AGBL1: variants seen among roughly 807,000 people sequenced by gnomAD.
The protein encoded by AGBL1 is AGBL carboxypeptidase 1, also known as cytosolic carboxypeptidase 4.
Under a neutral mutation model 118.9 loss-of-function variants are expected in AGBL1, and 130 were observed. The ratio of observed to expected loss-of-function variants is 1.09; its 90% CI spans 0.95 to 1.26. AGBL1 has a LOEUF of 1.26. AGBL1 is among the 50% of genes most tolerant of loss of function. The pLI, the probability that AGBL1 is intolerant of heterozygous loss-of-function variation, is 0.00. For missense variants in AGBL1, 1,584 were observed against 1,298.1 expected (o/e 1.22, Z -3.38); for synonymous variants, 555 against 478.9 (o/e 1.16, Z -2.08).
intron 22 of AGBL1, among the ~76,000 whole-genome samples, chr15:86,871,465 C>T (rs957227079): frequency 2.0e-5 from 3 of 151,952 alleles, no homozygotes; most frequent in East Asian, 1.9e-4. Flanking sequence ...ACACAGAATC[C>T]CCTTCCCTCA....
At chr15:86,653,074 A>G (rs1378578551) in intron 21 of AGBL1, among the ~76,000 whole-genome samples, 1 of 152,152 alleles carries the variant, frequency 6.6e-6, no homozygotes, top group Admixed American at 6.6e-5. Flanking sequence ...TATTCATTTT[A>G]TTTTCACGAA....
intron 22 of AGBL1, among the ~76,000 whole-genome samples, chr15:86,803,822 G>A (rs944717161): frequency 6.6e-6 from 1 of 152,126 alleles, no homozygotes; most frequent in Non-Finnish European, 1.5e-5. Context: ...TCACAACTTG[G>A]GGCAGGGGTG....
chr15:86,857,254 A>G (rs1247044400), intron 22 of AGBL1, among the ~76,000 whole-genome samples: 2 of 152,204 alleles, frequency 1.3e-5, no homozygotes, highest in East Asian at 3.9e-4. Context: ...TGTCAACCAC[A>G]GTGAACTTAA....
intron 21 of AGBL1, among the ~76,000 whole-genome samples, chr15:86,640,417 C>G (rs1187029070): frequency 6.6e-6 from 1 of 152,102 alleles, no homozygotes; most frequent in Non-Finnish European, 1.5e-5. Flanking sequence ...TAATATTTTA[C>G]CACATTTCTG....
intron 21 of AGBL1, among the ~76,000 whole-genome samples, chr15:86,640,652 C>T (rs1443099624): frequency 6.6e-6 from 1 of 152,098 alleles, no homozygotes; most frequent in East Asian, 1.9e-4. Flanking sequence ...ATCTAAGATT[C>T]TGTCTCTTTC....
intron 15 of AGBL1, among the ~76,000 whole-genome samples, chr15:86,277,399 C>T (rs143196713): frequency 6.6e-6 from 1 of 151,936 alleles, no homozygotes; most frequent in Non-Finnish European, 1.5e-5. Context: ...GAATTCCTTA[C>T]ACTTCCCTTA....
intron 21 of AGBL1, among the ~76,000 whole-genome samples, chr15:86,655,995 G>C (rs918750934): frequency 2.0e-5 from 3 of 152,156 alleles, no homozygotes; most frequent in African/African-American, 7.2e-5. Context: ...GAGTAGTAAT[G>C]CTTACCTCCA....
intron 5 of AGBL1, among the ~76,000 whole-genome samples, chr15:86,190,067 G>A (rs1186629842): frequency 6.6e-6 from 1 of 152,174 alleles, no homozygotes; most frequent in Admixed American, 6.5e-5. Flanking sequence ...ATTTTCCTAT[G>A]TCTCAAAGGA....
At chr15:86,992,529 G>A (rs2081344645) in intron 24 of AGBL1, among the ~76,000 whole-genome samples, 1 of 152,006 alleles carries the variant, frequency 6.6e-6, no homozygotes, top group Admixed American at 6.6e-5. Flanking sequence ...CCAGCTATTT[G>A]CTGGAACCAG....
intron 23 of AGBL1, among the ~76,000 whole-genome samples, chr15:86,952,265 C>A (rs972050555): frequency 8.6e-5 from 13 of 151,488 alleles, no homozygotes; most frequent in Admixed American, 1.3e-4. Context: ...CTCTTATTTT[C>A]TTTTAGTCAG....
At chr15:86,638,676 G>A (rs2085143191) in intron 21 of AGBL1, among the ~76,000 whole-genome samples, 1 of 152,182 alleles carries the variant, frequency 6.6e-6, no homozygotes, top group African/African-American at 2.4e-5. Flanking sequence ...AGGACTTAGT[G>A]GGGAGATGAG....
At chr15:86,122,441 T>C (rs984067739) in intron 1 of AGBL1, among the ~76,000 whole-genome samples, 7 of 152,156 alleles carry the variant, frequency 4.6e-5, no homozygotes, top group Non-Finnish European at 1.0e-4. Flanking sequence ...GTGACTGGCT[T>C]CCAAGAAACA....
chr15:86,733,642 T>C (rs917977882), intron 22 of AGBL1, among the ~76,000 whole-genome samples: 1 of 152,184 alleles, frequency 6.6e-6, no homozygotes, highest in African/African-American at 2.4e-5. Context: ...ATGCATTGAC[T>C]GTTTACTATG....
At chr15:86,377,299 A>T (rs745685389) in intron 17 of AGBL1, among the ~76,000 whole-genome samples, 3 of 152,248 alleles carry the variant, frequency 2.0e-5, no homozygotes, top group African/African-American at 7.2e-5. Context: ...GAAGTCACTC[A>T]CATGGCATGT....
At chr15:86,262,931 C>A in intron 10 of AGBL1, 37 bp downstream of exon 10, 1 of 1,482,912 alleles carries the variant, frequency 6.7e-7, no homozygotes, top group Non-Finnish European at 9.3e-7. Flanking sequence ...TTTGACGATG[C>A]ATGATGGGTT....
At chr15:86,095,646 C>A (rs944752384) in intron 1 of AGBL1, among the ~76,000 whole-genome samples, 3 of 116,680 alleles carry the variant, frequency 2.6e-5, no homozygotes, top group Admixed American at 9.5e-5. Flanking sequence ...ACCTTGGATA[C>A]CTTTTTTTTT....
At chr15:86,168,656 G>C (rs1428836260) in intron 5 of AGBL1, among the ~76,000 whole-genome samples, 1 of 152,156 alleles carries the variant, frequency 6.6e-6, no homozygotes, top group Admixed American at 6.5e-5. Flanking sequence ...AACGATGTTT[G>C]TTGTGGGAAA....
At chr15:86,993,552 GT>G (rs1245247890) in intron 24 of AGBL1, among the ~76,000 whole-genome samples, 3 of 152,066 alleles carry the variant, frequency 2.0e-5, no homozygotes, top group Non-Finnish European at 4.4e-5. Flanking sequence ...TCTGAGGGAG[GT>G]TTCTGAGGGG....
rs952111148 is a variant in AGBL1 at position 86,914,064 on chromosome 15, C to A, written c.*6770C>A. On this transcript the variant is annotated 3_prime_UTR_variant, in exon 23 of 23. Coordinates refer to ENST00000614907, the MANE Select transcript of AGBL1 (RefSeq NM_001386094.1). ...ATTTGGAGCTATTCAGTTAAAGTGTCTGAGTGTAGCCCTGGTCTTGAAGGG... is the reference window on the plus strand; with the variant it reads ...ATTTGGAGCTATTCAGTTAAAGTGTATGAGTGTAGCCCTGGTCTTGAAGGG... The A allele has an allele frequency of 6.6e-6, 1 of 152,152 alleles. No individual in the cohort carries two copies. Among genetic ancestry groups the A allele is most frequent in the African/African-American group, 2.4e-5 (1 of 41,428 alleles). The allele number at this position is 152,152 out of a possible 1,614,324, so 9.4% of individuals were successfully genotyped here.
Sources: allele counts gnomAD v4.1 joint callset (sites outside exome capture counted in the v4.1 genomes callset), GRCh38; gene constraint gnomAD v4.1.1; transcripts MANE v1.5; gene names NCBI Gene and HGNC (gene_info 2026-07-23, HGNC 2026-07-21).